Variants in MPDZ observed in about 807,000 individuals in gnomAD.
MPDZ encodes the protein multiple PDZ domain protein.
In MPDZ, 234 loss-of-function variants were observed where a neutral mutation model predicts 239.1. That is an observed-to-expected ratio of 0.98 (90% confidence interval 0.88 to 1.09). The LOEUF is 1.09. MPDZ is among the 50% of genes least tolerant of loss of function. MPDZ has a pLI of 0.00. For synonymous variants in MPDZ, 1,048 were observed against 881.3 expected (o/e 1.19, Z -3.35); for missense variants, 3,175 against 2,510.0 (o/e 1.26, Z -5.66).
At chr9:13,268,890 G>C (rs1972379422) in intron 1 of MPDZ, among the ~76,000 whole-genome samples, 1 of 152,190 alleles carries the variant, frequency 6.6e-6, no homozygotes, top group South Asian at 2.1e-4. Context: ...GAGGGAGTTT[G>C]GAGGGTACAG....
At chr9:13,151,516 GAAGTT>G (rs1307153032) in intron 24 of MPDZ, among the ~76,000 whole-genome samples, 2 of 152,054 alleles carry the variant, frequency 1.3e-5, no homozygotes, top group Non-Finnish European at 2.9e-5. Context: ...TATGCTAAGT[GAAGTT>G]AAGTCATCTA....
Position 13,224,542 on chromosome 9 carries a change from G to A in MPDZ, c.225C>T (p.Ala75=), listed in dbSNP as rs770749716. Residue 75 remains alanine, a synonymous_variant, in exon 4 of 47, where the codon GCC becomes GCT. Transcript: ENST00000319217. The stretch of plus-strand genomic sequence containing the variant: ...CAGCTGGGCTGAGATGAGGAACGTG[G>A]GCATATTCAATATTTGAAGTTGCTG... The part of the protein sequence containing the change: ...ATSATSNIEY[A]HVPHLSPAVI... The A allele has an allele frequency of 1.1e-5, 18 of 1,611,716 alleles. No homozygotes were observed. The highest frequency in any genetic ancestry group is 3.3e-5 in the Admixed American group (2 of 59,770).
In MPDZ at chr9:13,206,043, T is replaced by C. The variant is rs1390968052; in HGVS notation, c.1347A>G (p.Arg449=). 6.2e-7 allele frequency: 1 copy of C among 1,612,614 alleles called. No homozygotes were observed. Among genetic ancestry groups the C allele is most frequent in the African/African-American group, 1.3e-5 (1 of 74,724 alleles). The change falls in exon 11 of 47, where the codon CGA becomes CGG. Residue 449 remains arginine (R), a synonymous_variant. Coordinates refer to ENST00000319217, the MANE Select transcript of MPDZ (RefSeq NM_001378778.1). ...TCAGGAGCACAGTTTGTCCTGTATGTCGCAATACCTCTACTGCTTGCTGAT... is the reference window on the plus strand; with the variant it reads ...TCAGGAGCACAGTTTGTCCTGTATGCCGCAATACCTCTACTGCTTGCTGAT... ...FTNQQAVEVL[R]HTGQTVLLTL...
At chr9:13,265,220 C>T (rs976639217) in intron 1 of MPDZ, among the ~76,000 whole-genome samples, 3 of 152,232 alleles carry the variant, frequency 2.0e-5, no homozygotes, top group African/African-American at 7.2e-5. Context: ...GCTCTTACCT[C>T]CTGCTCTTTT....
intron 1 of MPDZ, among the ~76,000 whole-genome samples, chr9:13,275,215 T>C (rs939247225): frequency 6.6e-6 from 1 of 152,144 alleles, no homozygotes; most frequent in Non-Finnish European, 1.5e-5. Context: ...TCACAGGAAA[T>C]CCTAATCCCT....
intron 35 of MPDZ, among the ~76,000 whole-genome samples, chr9:13,124,785 C>CGG (rs1225612396): frequency 2.0e-5 from 3 of 152,120 alleles, no homozygotes; most frequent in African/African-American, 7.2e-5. Context: ...ATTGCATATC[C>CGG]ATTCTACAGA....
intron 12 of MPDZ, among the ~76,000 whole-genome samples, chr9:13,200,167 A>C (rs1456147362): frequency 6.6e-6 from 1 of 151,892 alleles, no homozygotes; most frequent in African/African-American, 2.4e-5. Flanking sequence ...GTTTAATCTT[A>C]TAATCTCGGT....
At chr9:13,198,735 C>G (rs10738327) in intron 12 of MPDZ, among the ~76,000 whole-genome samples, 4,181 of 17,024 alleles carry the variant, frequency 0.25, 248 homozygotes, top group South Asian at 0.46. Flanking sequence ...TAATCTCTCT[C>G]TCTGTGTGTG....
chr9:13,251,860 A>C (rs1968127739), intron 1 of MPDZ, among the ~76,000 whole-genome samples: 1 of 152,192 alleles, frequency 6.6e-6, no homozygotes, highest in Non-Finnish European at 1.5e-5. Context: ...TTGTTTTAAA[A>C]AGTGCCTTTG....
At chr9:13,235,597 T>A (rs539309394) in intron 3 of MPDZ, among the ~76,000 whole-genome samples, 24 of 152,184 alleles carry the variant, frequency 1.6e-4, no homozygotes, top group Non-Finnish European at 2.9e-4. Context: ...GAACACACAT[T>A]ATACTTTGCA....
chr9:13,212,435 AG>A (rs1957732703), intron 10 of MPDZ, among the ~76,000 whole-genome samples: 1 of 152,114 alleles, frequency 6.6e-6, no homozygotes, highest in Non-Finnish European at 1.5e-5. Flanking sequence ...AAAAGAGTAA[AG>A]AAGTGAGTAA....
chr9:13,151,702 T>C (rs1000564998), intron 24 of MPDZ, among the ~76,000 whole-genome samples: 3 of 152,050 alleles, frequency 2.0e-5, no homozygotes, highest in African/African-American at 4.8e-5. Flanking sequence ...TGAAAAAAGT[T>C]CTGTAGCTAG....
intron 1 of MPDZ, among the ~76,000 whole-genome samples, chr9:13,262,018 C>A (rs1970797194): frequency 6.6e-6 from 1 of 151,664 alleles, no homozygotes; most frequent in Non-Finnish European, 1.5e-5. Context: ...GAACTCCAGC[C>A]TGGGCAACAG....
Position 13,279,671 on chromosome 9 carries a change from A to AGGCGGT in MPDZ, c.-335_-330dup, listed in dbSNP as rs1975250204. 1 of 150,338 alleles carries AGGCGGT rather than the reference A, an allele frequency of 6.7e-6. No individual in the cohort carries two copies. The highest frequency in any genetic ancestry group is 1.5e-5 in the Non-Finnish European group (1 of 67,608). 9.3% of individuals were successfully genotyped at this position (150,338 alleles called of 1,614,324 possible). A position where few individuals can be genotyped will look rare whatever the true frequency, so the allele number is the denominator to read the frequency against. ...CTTGCGCCGACCGGGGCTGCCGCGGAGGCGGTGGCGGGGCCCAGGCTGCTG... is the reference window on the plus strand; with the variant it reads ...CTTGCGCCGACCGGGGCTGCCGCGGAGGCGGTGGCGGTGGCGGGGCCCAGGCTGCTG... On this transcript the variant is annotated 5_prime_UTR_variant, in exon 1 of 47. Transcript: ENST00000319217.
Position 13,125,300 on chromosome 9 carries a change from C to T in MPDZ, c.4723G>A (p.Gly1575Ser). 1 of 1,613,786 alleles carries T rather than the reference C, an allele frequency of 6.2e-7. No individual in the cohort carries two copies. Among genetic ancestry groups the T allele is most frequent in the South Asian group, 1.1e-5 (1 of 91,072 alleles). ...TTCTTTTTTTCTCCACTGGCTGCAC[C>T]AGCTGCTGAAGGAACAGCCTGGGAA... is the stretch of plus-strand genomic sequence containing the variant. The part of the protein sequence containing the change: ...PDSQAVPSAA[G>S]AASGEKKNSS... The change falls in exon 35 of 47, where the codon GGT (glycine) becomes AGT (serine). Residue 1575 changes from glycine (G) to serine (S), a missense_variant. Physicochemically the swap from Gly to Ser is moderately conservative, Grantham distance 56 (BLOSUM62 0). Coordinates refer to ENST00000319217, the MANE Select transcript of MPDZ (RefSeq NM_001378778.1).
At chr9:13,168,260 T>C (rs571593593) in intron 22 of MPDZ, 106 bp downstream of exon 22, 3 of 991,202 alleles carry the variant, frequency 3.0e-6, no homozygotes, top group African/African-American at 1.7e-5. Context: ...TTAAAAAAAA[T>C]GTGATAACGT....
chr9:13,260,595 G>T (rs1588173598), intron 1 of MPDZ, among the ~76,000 whole-genome samples: 1 of 152,158 alleles, frequency 6.6e-6, no homozygotes, highest in East Asian at 1.9e-4. Flanking sequence ...TTGGAAACAG[G>T]TCTTTTAGGA....
intron 3 of MPDZ, among the ~76,000 whole-genome samples, chr9:13,241,556 T>C (rs1317274945): frequency 6.6e-6 from 1 of 152,186 alleles, no homozygotes; most frequent in Non-Finnish European, 1.5e-5. Flanking sequence ...GGTCTCAAAT[T>C]AGAAACTATA....
intron 36 of MPDZ, among the ~76,000 whole-genome samples, chr9:13,122,750 C>T (rs539377222): frequency 6.6e-6 from 1 of 152,234 alleles, no homozygotes; most frequent in Admixed American, 6.5e-5. Flanking sequence ...CTCCTGGCCT[C>T]AAGTGATCCA....
Sources: gnomAD v4.1 joint callset for allele counts (sites outside exome capture counted in the v4.1 genomes callset) on GRCh38, gnomAD v4.1.1 for gene constraint, MANE v1.5 for transcripts, NCBI Gene and HGNC (gene_info 2026-07-23, HGNC 2026-07-21) for gene names.